NSMCE2: variants seen among roughly 807,000 people sequenced by gnomAD.
The protein encoded by NSMCE2 is NSE2 SUMO ligase component of SMC5/6 complex.
NSMCE2 carries 24 observed loss-of-function variants against 23.8 expected under a neutral mutation model. That is an observed-to-expected ratio of 1.01 (90% CI 0.73 to 1.42). The LOEUF (loss-of-function observed/expected upper bound fraction) is 1.42, where lower values mean the gene tolerates loss of function less well. Ranked by LOEUF, NSMCE2 falls within the 40% of genes most tolerant of loss-of-function variation. The pLI is 0.00. For synonymous variants in NSMCE2, 92 were observed against 94.1 expected, an observed-to-expected ratio of 0.98 and a Z score of 0.13; for missense variants, 284 against 296.5, an observed-to-expected ratio of 0.96 and a Z score of 0.31.
chr8:125,239,404 T>G (rs1825677408), intron 5 of NSMCE2, among the ~76,000 whole-genome samples: 1 of 152,052 alleles, frequency 6.6e-6, no homozygotes, highest in Admixed American at 6.6e-5. Context: ...AGGCCAGGAT[T>G]TCGAGACTAG....
At chr8:125,268,335 A>T (rs1227048508) in intron 5 of NSMCE2, among the ~76,000 whole-genome samples, 2 of 152,156 alleles carry the variant, frequency 1.3e-5, no homozygotes, top group Non-Finnish European at 2.9e-5. Flanking sequence ...GGAAATTGAC[A>T]TTGTCACTGG....
chr8:125,243,915 C>T (rs1235262396), intron 5 of NSMCE2, among the ~76,000 whole-genome samples: 1 of 151,338 alleles, frequency 6.6e-6, no homozygotes, highest in Non-Finnish European at 1.5e-5. Flanking sequence ...GAAAGACTCA[C>T]AACATATCCC....
At chr8:125,120,353 T>G (rs978645429) in intron 3 of NSMCE2, among the ~76,000 whole-genome samples, 6 of 152,254 alleles carry the variant, frequency 3.9e-5, no homozygotes, top group African/African-American at 7.2e-5. Context: ...AAACGAGTTA[T>G]TATCTGTTGA....
At chr8:125,302,486 A>G (rs921780679) in intron 5 of NSMCE2, among the ~76,000 whole-genome samples, 1 of 152,168 alleles carries the variant, frequency 6.6e-6, no homozygotes, top group Non-Finnish European at 1.5e-5. Context: ...AGGGCTTCCC[A>G]GGCCATTGAA....
rs369032349 is a variant in NSMCE2, at chr8:125,193,206, G to A, written c.418+10950G>A. ...ACAAGTAGGTTAACTACACATTTAT[G>A]TAAAGTAGACTTCATCAAAATTAAA... On this transcript the variant is annotated intron_variant, in intron 5 of 7. Transcript: ENST00000287437. Among the ~76,000 whole-genome samples the A allele has an allele frequency of 1.8e-4, 28 of 152,280 alleles. No homozygotes were observed. In the East Asian group the frequency reaches 4.8e-3, roughly 26 times the overall value.
At chr8:125,298,132 C>T (rs1206810037) in intron 5 of NSMCE2, among the ~76,000 whole-genome samples, 3 of 152,094 alleles carry the variant, frequency 2.0e-5, no homozygotes, top group African/African-American at 4.8e-5. Flanking sequence ...TGGTGGTACA[C>T]ACCTGTAGTC....
At chr8:125,281,552 G>A (rs570263381) in intron 5 of NSMCE2, among the ~76,000 whole-genome samples, 1 of 152,016 alleles carries the variant, frequency 6.6e-6, no homozygotes, top group Admixed American at 6.5e-5. Context: ...CGATTCTCTT[G>A]CCTCAGCCTC....
intron 3 of NSMCE2, among the ~76,000 whole-genome samples, chr8:125,134,441 T>A (rs1236430362): frequency 6.6e-6 from 1 of 152,186 alleles, no homozygotes; most frequent in Non-Finnish European, 1.5e-5. Context: ...CTACAGGCAG[T>A]CTTCTTACTT....
At chr8:125,329,008 A>T (rs1242808686) in intron 5 of NSMCE2, among the ~76,000 whole-genome samples, 1 of 152,180 alleles carries the variant, frequency 6.6e-6, no homozygotes, top group East Asian at 1.9e-4. Flanking sequence ...TGTGAGCGGC[A>T]GTGTCCAGAC....
rs146319306 is a variant in NSMCE2, at chr8:125,139,367, C to T, written c.158-11804C>T. ...TCATATTCTAATCTTTGTTTAGCAT[C>T]ACTCTTTTTTTGTTTTTAATATAGT... On this transcript the variant is annotated intron_variant, in intron 3 of 7. Coordinates refer to ENST00000287437, the MANE Select transcript of NSMCE2 (RefSeq NM_173685.4). 8.5e-5 allele frequency among the ~76,000 whole-genome samples: 13 copies of T among 152,316 alleles called. No individual in the cohort carries two copies. The East Asian group carries it at 2.5e-3, about 29-fold the overall frequency.
At chr8:125,261,761 AAAAC>A (rs1826701717) in intron 5 of NSMCE2, among the ~76,000 whole-genome samples, 1 of 152,112 alleles carries the variant, frequency 6.6e-6, no homozygotes, top group South Asian at 2.1e-4. Context: ...AAAAAAAACA[AAAAC>A]AAAACAGCTT....
intron 5 of NSMCE2, among the ~76,000 whole-genome samples, chr8:125,211,082 C>T (rs1477677004): frequency 6.6e-6 from 1 of 152,118 alleles, no homozygotes; most frequent in Non-Finnish European, 1.5e-5. Flanking sequence ...CCTTCATTAA[C>T]CACTCCTGCC....
chr8:125,123,102 C>G (rs575257493), intron 3 of NSMCE2, among the ~76,000 whole-genome samples: 58 of 152,150 alleles, frequency 3.8e-4, no homozygotes, highest in African/African-American at 1.3e-3. Flanking sequence ...GGGAAGATAA[C>G]AGAAATGGTT....
rs1259572749 is a variant in NSMCE2, at chr8:125,345,368, A to G, written c.419-11851A>G. Among the ~76,000 whole-genome samples the G allele has an allele frequency of 3.3e-5, 5 of 152,356 alleles. No individual in the cohort carries two copies. The East Asian group carries it at 9.6e-4, about 29-fold the overall frequency. On this transcript the variant is annotated intron_variant, in intron 5 of 7. Transcript: ENST00000287437. Reference sequence around the variant, plus strand: ...CTCAAGGACCAAATTGTCTTATTCTAAGATGTTTGTCTTCAAAACAATCCT... The same window carrying G: ...CTCAAGGACCAAATTGTCTTATTCTGAGATGTTTGTCTTCAAAACAATCCT...
intron 5 of NSMCE2, among the ~76,000 whole-genome samples, chr8:125,273,182 T>A (rs2131096773): frequency 6.6e-6 from 1 of 152,310 alleles, no homozygotes; most frequent in East Asian, 1.9e-4. Flanking sequence ...ACTGTTGAGG[T>A]GTTACAGCCT....
At chr8:125,132,947 A>AGAGAGAGTTAG (rs1819848078) in intron 3 of NSMCE2, among the ~76,000 whole-genome samples, 7 of 152,174 alleles carry the variant, frequency 4.6e-5, no homozygotes, top group Non-Finnish European at 1.0e-4. Context: ...ATCTCATCTA[A>AGAGAGAGTTAG]CTCTCTCTTA....
At chr8:125,326,956 CA>C (rs879690048) in intron 5 of NSMCE2, among the ~76,000 whole-genome samples, 166 of 106,648 alleles carry the variant, frequency 1.6e-3, no homozygotes, top group Middle Eastern at 7.9e-3. Context: ...AACTCCATTT[CA>C]AAAAAAAAAA....
At chr8:125,326,674 G>T (rs1467126260) in intron 5 of NSMCE2, among the ~76,000 whole-genome samples, 1 of 152,092 alleles carries the variant, frequency 6.6e-6, no homozygotes, top group Non-Finnish European at 1.5e-5. Flanking sequence ...AAAAAAGGCG[G>T]GCCAGGCGCA....
chr8:125,170,376 CTTTTTTTTTTT>C (rs565593006), intron 4 of NSMCE2, among the ~76,000 whole-genome samples: 673 of 37,720 alleles, frequency 0.018, no homozygotes, highest in African/African-American at 0.052. Flanking sequence ...CTCTTTATTT[CTTTTTTTTTTT>C]TTTTTTTTTT....
Sources: gnomAD v4.1 joint callset for allele counts (sites outside exome capture counted in the v4.1 genomes callset) on GRCh38, gnomAD v4.1.1 for gene constraint, MANE v1.5 for transcripts, NCBI Gene and HGNC (gene_info 2026-07-23, HGNC 2026-07-21) for gene names.